DESI2: variants seen among roughly 807,000 people sequenced by gnomAD.
DESI2 encodes the protein desumoylating isopeptidase 2.
In DESI2, 10 loss-of-function variants were observed where a neutral mutation model predicts 24.1. The ratio of observed to expected loss-of-function variants is 0.41; its 90% CI spans 0.26 to 0.70. The LOEUF is 0.70. Ranked by LOEUF, DESI2 falls within the 30% of genes least tolerant of loss-of-function variation. The probability of loss-of-function intolerance (pLI) is 0.29; values close to 1 mark genes in which losing one functional copy is unlikely to be tolerated. For synonymous variants in DESI2, 71 were observed against 87.7 expected, an observed-to-expected ratio of 0.81 and a Z score of 1.06; for missense variants, 122 against 234.9, an observed-to-expected ratio of 0.52 and a Z score of 3.14.
intron 4 of DESI2, among the ~76,000 whole-genome samples, chr1:244,700,930 G>A (rs1327417815): frequency 6.6e-6 from 1 of 152,172 alleles, no homozygotes; most frequent in East Asian, 1.9e-4. Context: ...TAAAATTCAT[G>A]TGTTTTACAG....
At chr1:244,674,785 A>G (rs1334323487) in intron 1 of DESI2, among the ~76,000 whole-genome samples, 1 of 152,180 alleles carries the variant, frequency 6.6e-6, no homozygotes, top group Non-Finnish European at 1.5e-5. Flanking sequence ...AGTTGTTTCT[A>G]CTTTTTGGCT....
intron 1 of DESI2, among the ~76,000 whole-genome samples, chr1:244,674,246 G>A (rs1398486391): frequency 2.0e-5 from 3 of 151,672 alleles, no homozygotes; most frequent in Non-Finnish European, 2.9e-5. Flanking sequence ...TGATCCACCC[G>A]CCTCTGCTCC....
intron 1 of DESI2, among the ~76,000 whole-genome samples, chr1:244,660,487 G>GTACTTACACTTTCCGTTTGT (rs1675805061): frequency 6.6e-6 from 1 of 152,160 alleles, no homozygotes; most frequent in South Asian, 2.1e-4. Context: ...AAGATGGGAT[G>GTACTTACACTTTCCGTTTGT]TACTTACACT....
intron 4 of DESI2, among the ~76,000 whole-genome samples, chr1:244,696,216 A>T (rs1677209493): frequency 6.6e-6 from 1 of 152,236 alleles, no homozygotes; most frequent in African/African-American, 2.4e-5. Context: ...ATATTATCCA[A>T]ATAAACAACG....
intron 4 of DESI2, among the ~76,000 whole-genome samples, chr1:244,693,278 A>G (rs1677091672): frequency 6.6e-6 from 1 of 152,162 alleles, no homozygotes; most frequent in Non-Finnish European, 1.5e-5. Context: ...AAACATTAAG[A>G]ACGTTATTGA....
rs11439820 is a variant in DESI2, at chr1:244,680,036, T to TAAAA, written c.43-6558_43-6557insAAAA. On this transcript the variant is annotated intron_variant, in intron 1 of 4. Transcript: ENST00000302550. ...CTTTTTAGCCTTTTTTTTTTTTTTT[T>TAAAA]AAACAAAAAATCTAGGATCCAGTCG... Among the ~76,000 whole-genome samples the TAAAA allele has an allele frequency of 4.6e-3, 650 of 142,458 alleles. 2 individuals are homozygous for TAAAA. The highest frequency in any genetic ancestry group is 0.016 in the African/African-American group (625 of 39,080). The allele number at this position is 142,458 out of a possible 152,430, so 93.5% of individuals were successfully genotyped here. A position where few individuals can be genotyped will look rare whatever the true frequency, so the allele number is the denominator to read the frequency against.
At chr1:244,684,210 C>A (rs998141413) in intron 1 of DESI2, among the ~76,000 whole-genome samples, 10 of 152,032 alleles carry the variant, frequency 6.6e-5, no homozygotes, top group Non-Finnish European at 1.3e-4. Flanking sequence ...TAAATAAAAA[C>A]CTGTTAAACT....
intron 1 of DESI2, chr1:244,654,027 T>G (rs761626027): frequency 6.6e-5 from 31 of 470,856 alleles, no homozygotes; most frequent in South Asian, 4.8e-4. Context: ...ACTTTCCAGG[T>G]GATGCAACAG....
In DESI2 at chr1:244,689,167, T is replaced by C; in HGVS notation, c.116-82T>C. ...AAATATTTAGATGGTGTCACTGTTA[T>C]CCTCAATTATTAAAGCTAATTCAGC... On this transcript the variant is annotated intron_variant, in intron 2 of 4. Transcript: ENST00000302550. This position sits in a 1 kb window ranked among gnomAD's most constrained non-coding sequence, Gnocchi z 4.0. The C allele has an allele frequency of 2.7e-6, 2 of 745,002 alleles. No homozygotes were observed. Among genetic ancestry groups the C allele is most frequent in the Non-Finnish European group, 4.8e-6 (2 of 419,512 alleles). 46.1% of individuals were successfully genotyped at this position (745,002 alleles called of 1,614,324 possible). A position where few individuals can be genotyped will look rare whatever the true frequency, so the allele number is the denominator to read the frequency against.
In DESI2 at chr1:244,705,715, G is replaced by C. The variant is rs1262208426; in HGVS notation, c.511G>C (p.Glu171Gln). 6.2e-7 allele frequency: 1 copy of C among 1,614,010 alleles called. No homozygotes were observed. Among genetic ancestry groups the C allele is most frequent in the Non-Finnish European group, 8.5e-7 (1 of 1,180,040 alleles). ...QELQDELEEA[E>Q]DAAASASVAS... is the part of the protein sequence containing the mutation. The stretch of plus-strand genomic sequence containing the variant: ...ACTCCAGGATGAACTGGAGGAAGCA[G>C]AGGATGCTGCCGCATCCGCTTCCGT... The change falls in exon 5 of 5, where the codon GAG becomes CAG. Residue 171 changes from glutamate to glutamine, a missense_variant. Glu to Gln is a conservative substitution (Grantham distance 29, BLOSUM62 2). This residue lies in a region of DESI2 where 56 missense variants were observed against 67.9 expected (regional missense o/e 0.82). Coordinates refer to ENST00000302550, the MANE Select transcript of DESI2 (RefSeq NM_016076.5).
rs1677672192 is a variant in DESI2, at chr1:244,705,764, G to A, written c.560G>A (p.Arg187Lys). The A allele has an allele frequency of 1.2e-6, 2 of 1,611,658 alleles. No individual in the cohort carries two copies. The highest frequency in any genetic ancestry group is 1.7e-5 in the Admixed American group (1 of 59,994). Reference sequence around the variant, plus strand: ...GTGGCAAGCACTGCAGCAGGCTCCAGACCCGGGCGCCACACTAAACTATAA... The same window carrying A: ...GTGGCAAGCACTGCAGCAGGCTCCAAACCCGGGCGCCACACTAAACTATAA... ...ASVASTAAGS[R>K]PGRHTKL The change falls in exon 5 of 5, where the codon AGA becomes AAA. Residue 187 changes from arginine to lysine, a missense_variant. Physicochemically the swap from Arg to Lys is conservative, Grantham distance 26 (BLOSUM62 2). Coordinates refer to ENST00000302550, the MANE Select transcript of DESI2 (RefSeq NM_016076.5).
intron 1 of DESI2, among the ~76,000 whole-genome samples, chr1:244,680,005 A>G (rs1434690690): frequency 1.4e-5 from 2 of 146,790 alleles, no homozygotes; most frequent in African/African-American, 2.5e-5. Flanking sequence ...TGTTCCAATA[A>G]TGGTTCTTTT....
At chr1:244,674,339 C>CTTT (rs2148794102) in intron 1 of DESI2, among the ~76,000 whole-genome samples, 1 of 149,764 alleles carries the variant, frequency 6.7e-6, no homozygotes, top group African/African-American at 2.5e-5. Flanking sequence ...TTTTTAACAG[C>CTTT]CTTTTTGAGA....
chr1:244,661,528 T>A (rs1189222760), intron 1 of DESI2, among the ~76,000 whole-genome samples: 1 of 152,164 alleles, frequency 6.6e-6, no homozygotes, highest in Non-Finnish European at 1.5e-5. Flanking sequence ...TCATTCACAT[T>A]AGGTATATCT....
chr1:244,678,958 G>A (rs1480056617), intron 1 of DESI2, among the ~76,000 whole-genome samples: 1 of 152,202 alleles, frequency 6.6e-6, no homozygotes, highest in Non-Finnish European at 1.5e-5. Context: ...GGCTGCCAAG[G>A]AAACCACTAC....
intron 1 of DESI2, among the ~76,000 whole-genome samples, chr1:244,683,408 T>C (rs1027974244): frequency 6.6e-6 from 1 of 150,612 alleles, no homozygotes; most frequent in Non-Finnish European, 1.5e-5. Flanking sequence ...GCCTCCCAGG[T>C]TCATGCCATT....
At chr1:244,701,432 T>C (rs1193231596) in intron 4 of DESI2, among the ~76,000 whole-genome samples, 1 of 152,116 alleles carries the variant, frequency 6.6e-6, no homozygotes, top group East Asian at 1.9e-4. Context: ...CACTGCCAGC[T>C]TGGACTGAAA....
In DESI2 at chr1:244,697,029, G is replaced by A. The variant is rs528022062; in HGVS notation, c.351+5009G>A. On this transcript the variant is annotated intron_variant, in intron 4 of 4. Transcript: ENST00000302550. ...CATCCTACCTGACTCTATTAGGAGA[G>A]GATCCTTAAAGCTTGTGCCTGCTTT... is the stretch of plus-strand genomic sequence containing the variant. Among the ~76,000 whole-genome samples, 3 of 152,226 alleles carry A rather than the reference G, an allele frequency of 2.0e-5. No individual in the cohort carries two copies. The South Asian group carries it at 6.2e-4, about 32-fold the overall frequency.
At chr1:244,664,355 G>A (rs1338618835) in intron 1 of DESI2, among the ~76,000 whole-genome samples, 1 of 152,162 alleles carries the variant, frequency 6.6e-6, no homozygotes, top group African/African-American at 2.4e-5. Context: ...TTTTCATTAA[G>A]ATGTATTATT....
Sources: allele counts gnomAD v4.1 joint callset (sites outside exome capture counted in the v4.1 genomes callset), GRCh38; gene constraint gnomAD v4.1.1; regional missense constraint gnomAD v4.1.1; non-coding constraint Gnocchi (gnomAD v3.1); transcripts MANE v1.5; gene names NCBI Gene and HGNC (gene_info 2026-07-23, HGNC 2026-07-21).